The following SLC25A24 variants were observed in gnomAD, a reference collection of about 807,000 sequenced individuals.
SLC25A24 encodes the protein solute carrier family 25 member 24.
A neutral mutation model predicts 60.7 loss-of-function variants in SLC25A24; 49 were observed. The ratio of observed to expected loss-of-function variants is 0.81; its 90% CI spans 0.64 to 1.02. The LOEUF is 1.02. SLC25A24 is among the 50% of genes least tolerant of loss of function. The pLI, the probability that SLC25A24 is intolerant of heterozygous loss-of-function variation, is 0.00. For synonymous variants in SLC25A24, 202 were observed against 200.6 expected, an observed-to-expected ratio of 1.01 and a Z score of -0.06; for missense variants, 564 against 586.3, an observed-to-expected ratio of 0.96 and a Z score of 0.39.
At chr1:108,192,945 G>A (rs961111657) in intron 1 of SLC25A24, 16 of 267,894 alleles carry the variant, frequency 6.0e-5, no homozygotes, top group African/African-American at 3.5e-4. Context: ...ACTCCAGGAA[G>A]AGTCCAGTCG....
chr1:108,152,669 G>A (rs1451688151), intron 6 of SLC25A24, among the ~76,000 whole-genome samples: 1 of 152,222 alleles, frequency 6.6e-6, no homozygotes, highest in Non-Finnish European at 1.5e-5. Flanking sequence ...AATGGCTTGA[G>A]ATTGAGGCAA....
intron 1 of SLC25A24, among the ~76,000 whole-genome samples, chr1:108,187,619 TTTTAAAGAAA>T (rs1399676810): frequency 6.6e-6 from 1 of 152,106 alleles, no homozygotes; most frequent in Non-Finnish European, 1.5e-5. Flanking sequence ...TATACTCAGA[TTTTAAAGAAA>T]TTTAAAGTGT....
At chr1:108,163,780 T>C (rs1403157321) in intron 3 of SLC25A24, among the ~76,000 whole-genome samples, 2 of 152,038 alleles carry the variant, frequency 1.3e-5, no homozygotes, top group East Asian at 1.9e-4. Context: ...GAATACCCTT[T>C]ATTTCCTTCT....
chr1:108,160,920 G>A (rs533087525), intron 4 of SLC25A24, among the ~76,000 whole-genome samples: 9 of 152,134 alleles, frequency 5.9e-5, no homozygotes, highest in Non-Finnish European at 7.4e-5. Context: ...GCTTTGGCTC[G>A]GCATCAGAGG....
At chr1:108,184,226 T>C (rs578072595) in intron 2 of SLC25A24, among the ~76,000 whole-genome samples, 4 of 152,346 alleles carry the variant, frequency 2.6e-5, no homozygotes, top group Admixed American at 6.5e-5. Context: ...ACTGGGATAA[T>C]TGACCTCTGA....
chr1:108,195,065 CAA>C (rs1648452271), intron 1 of SLC25A24, among the ~76,000 whole-genome samples: 1 of 152,174 alleles, frequency 6.6e-6, no homozygotes, highest in Admixed American at 6.5e-5. Context: ...TAAATCCTGT[CAA>C]ATATAGATAC....
intron 1 of SLC25A24, chr1:108,192,504 C>T: frequency 6.7e-7 from 1 of 1,493,900 alleles, no homozygotes; most frequent in Non-Finnish European, 9.0e-7. Flanking sequence ...ACCTTCGCTT[C>T]CTCTAGAGAT....
chr1:108,140,989 G>T (rs72693413), intron 8 of SLC25A24, among the ~76,000 whole-genome samples: 1,524 of 152,152 alleles, frequency 0.01, 13 homozygotes, highest in Non-Finnish European at 0.016. Flanking sequence ...CTAATTAAAA[G>T]ATATAAATTG....
intron 3 of SLC25A24, among the ~76,000 whole-genome samples, chr1:108,170,243 T>C (rs1398415375): frequency 6.6e-6 from 1 of 152,164 alleles, no homozygotes; most frequent in African/African-American, 2.4e-5. Flanking sequence ...TTGAGAAGTG[T>C]ATATCACACT....
At chr1:108,168,426 T>G (rs993299924) in intron 3 of SLC25A24, among the ~76,000 whole-genome samples, 5 of 152,190 alleles carry the variant, frequency 3.3e-5, no homozygotes, top group Non-Finnish European at 7.3e-5. Context: ...TTAATTTCAT[T>G]CAAAGTTATA....
Position 108,136,636 on chromosome 1 carries a change from A to G in SLC25A24, c.*17T>C, listed in dbSNP as rs923514128. Reference sequence around the variant, plus strand: ...GTTGAAAGTTTCAATTATCAGGCTAAAGCAAAAAATGCAACATCATTTCTG... The same window carrying G: ...GTTGAAAGTTTCAATTATCAGGCTAGAGCAAAAAATGCAACATCATTTCTG... On this transcript the variant is annotated 3_prime_UTR_variant, in exon 10 of 10. Coordinates refer to ENST00000565488, the MANE Select transcript of SLC25A24 (RefSeq NM_013386.5). 2.5e-6 allele frequency: 4 copies of G among 1,606,414 alleles called. No homozygotes were observed. Among genetic ancestry groups the G allele is most frequent in the Non-Finnish European group, 3.4e-6 (4 of 1,174,530 alleles).
At position 108,161,310 on chromosome 1, in the gene SLC25A24, AT is replaced by A; in HGVS notation, c.399-18del. On this transcript the variant is annotated intron_variant, in intron 3 of 9. Coordinates refer to ENST00000565488, the MANE Select transcript of SLC25A24 (RefSeq NM_013386.5). The stretch of plus-strand genomic sequence containing the variant: ...ACATCAATGCTGAAATTTTAAAAAA[AT>A]GATCAAAGTACAAAACTAAATTGAT... 1.5e-6 allele frequency: 2 copies of A among 1,303,688 alleles called. No homozygotes were observed. Among genetic ancestry groups the A allele is most frequent in the East Asian group, 2.3e-5 (1 of 43,292 alleles). The allele number at this position is 1,303,688 out of a possible 1,614,324, so 80.8% of individuals were successfully genotyped here.
chr1:108,197,397 C>T (rs890027417), intron 1 of SLC25A24, among the ~76,000 whole-genome samples: 16 of 152,200 alleles, frequency 1.1e-4, no homozygotes, highest in Middle Eastern at 3.2e-3. Context: ...TTGCTTCAAG[C>T]TGAGTATTTG....
chr1:108,194,964 C>T (rs476386), intron 1 of SLC25A24, among the ~76,000 whole-genome samples: 76,178 of 152,008 alleles, frequency 0.5, 19,417 homozygotes, highest in Admixed American at 0.56. Flanking sequence ...ATAACTATTA[C>T]ATCCACTAAA....
In SLC25A24 at chr1:108,185,704, AG is replaced by A. The variant is rs571140025; in HGVS notation, c.310+123del. On this transcript the variant is annotated intron_variant, in intron 2 of 9. Coordinates refer to ENST00000565488, the MANE Select transcript of SLC25A24 (RefSeq NM_013386.5). ...CATAAAAATCACATTACTAAAAAAAAGTATTAACACAAATAATAATTATCAT... is the reference window on the plus strand; with the variant it reads ...CATAAAAATCACATTACTAAAAAAAATATTAACACAAATAATAATTATCAT... 3.2e-3 allele frequency: 2,265 copies of A among 705,232 alleles called. 5 individuals are homozygous for A. Among genetic ancestry groups the A allele is most frequent in the Non-Finnish European group, 3.9e-3 (1,722 of 446,148 alleles). 43.7% of individuals were successfully genotyped at this position (705,232 alleles called of 1,614,324 possible).
At chr1:108,185,781 A>C (rs1648103500) in intron 2 of SLC25A24, 47 bp downstream of exon 2, 2 of 1,461,504 alleles carry the variant, frequency 1.4e-6, no homozygotes, top group Non-Finnish European at 1.9e-6. Flanking sequence ...TGAAAGCATG[A>C]TAAATGCTTC....
rs192492888 is a variant in SLC25A24 at position 108,193,961 on chromosome 1, C to T, written c.183+5995G>A. ...CCAACACCTGTGCTCCCTCATCCTGCACCACTGGGAATATGGAGGTGCAGT... is the reference window on the plus strand; with the variant it reads ...CCAACACCTGTGCTCCCTCATCCTGTACCACTGGGAATATGGAGGTGCAGT... On this transcript the variant is annotated intron_variant, in intron 1 of 9. Transcript: ENST00000565488. Among the ~76,000 whole-genome samples the T allele has an allele frequency of 8.0e-3, 1,110 of 139,604 alleles. 212 individuals carry two copies. The highest frequency in any genetic ancestry group is 0.028 in the Middle Eastern group (8 of 284). The allele number at this position is 139,604 out of a possible 152,430, so 91.6% of individuals were successfully genotyped here.
At chr1:108,168,774 T>C (rs764500479) in intron 3 of SLC25A24, among the ~76,000 whole-genome samples, 2 of 152,248 alleles carry the variant, frequency 1.3e-5, no homozygotes, top group Non-Finnish European at 2.9e-5. Flanking sequence ...AAATACCTTC[T>C]CTTTGTCTTT....
intron 1 of SLC25A24, among the ~76,000 whole-genome samples, chr1:108,189,350 A>G (rs1007110066): frequency 6.6e-6 from 1 of 152,184 alleles, no homozygotes; most frequent in Non-Finnish European, 1.5e-5. Flanking sequence ...AGAAACAAAC[A>G]ACTCATAAGT....
Sources: gnomAD v4.1 joint callset for allele counts (sites outside exome capture counted in the v4.1 genomes callset) on GRCh38, gnomAD v4.1.1 for gene constraint, MANE v1.5 for transcripts, NCBI Gene and HGNC (gene_info 2026-07-23, HGNC 2026-07-21) for gene names.